PTPRD: variants seen among roughly 807,000 people sequenced by gnomAD.
The protein encoded by PTPRD is receptor-type tyrosine-protein phosphatase delta.
A neutral mutation model predicts 214.5 loss-of-function variants in PTPRD; 34 were observed. The observed-to-expected ratio is 0.16, with a 90% confidence interval of 0.12 to 0.21. PTPRD has a LOEUF of 0.21. PTPRD is among the 10% of genes least tolerant of loss of function. The probability of loss-of-function intolerance (pLI) is 1.00; values close to 1 mark genes in which losing one functional copy is unlikely to be tolerated. For missense variants in PTPRD, 2,545 were observed against 2,398.7 expected, an observed-to-expected ratio of 1.06 and a Z score of -1.27; for synonymous variants, 1,128 against 845.7, an observed-to-expected ratio of 1.33 and a Z score of -5.79.
Position 8,805,446 on chromosome 9 carries a change from G to A in PTPRD, c.-103-71500C>T, listed in dbSNP as rs146294272. Among the ~76,000 whole-genome samples the A allele has an allele frequency of 6.1e-3, 929 of 151,548 alleles. 8 individuals are homozygous for A. The highest frequency in any genetic ancestry group is 0.021 in the African/African-American group (854 of 41,336). On this transcript the variant is annotated intron_variant, in intron 11 of 45. Transcript: ENST00000381196. The stretch of plus-strand genomic sequence containing the variant: ...TGCACATCATCTTTATACAATAATC[G>A]TAGTAAGAAAGCCAGTGGCTTGCCA...
chr9:9,034,549 C>CT (rs34149040), intron 10 of PTPRD, among the ~76,000 whole-genome samples: 3 of 152,068 alleles, frequency 2.0e-5, no homozygotes, highest in African/African-American at 7.2e-5. Context: ...TTGAGGTAGT[C>CT]TTTTTTTACT....
rs1210836203 is a variant in PTPRD, at chr9:9,137,481, C to T, written c.-143+45823G>A. 2.6e-5 allele frequency among the ~76,000 whole-genome samples: 4 copies of T among 152,026 alleles called. No homozygotes were observed. In the East Asian group the frequency reaches 7.7e-4, roughly 29 times the overall value. ...TTTTTCTGTCTGAATATATAGGAGA[C>T]TGAATGAAGAGATATATAACCCCCC... is the stretch of plus-strand genomic sequence containing the variant. On this transcript the variant is annotated intron_variant, in intron 10 of 45. Coordinates refer to ENST00000381196, the MANE Select transcript of PTPRD (RefSeq NM_002839.4).
chr9:9,293,819 G>A (rs975419554), intron 9 of PTPRD, among the ~76,000 whole-genome samples: 1 of 151,532 alleles, frequency 6.6e-6, no homozygotes, highest in African/African-American at 2.4e-5. Context: ...TTTGCAGTTT[G>A]AGGTACAACA....
intron 9 of PTPRD, among the ~76,000 whole-genome samples, chr9:9,383,951 C>G (rs1355957972): frequency 2.0e-5 from 3 of 151,906 alleles, no homozygotes; most frequent in Non-Finnish European, 4.4e-5. Context: ...TGATATCTAA[C>G]CCTGCTCAGT....
At chr9:10,237,840 A>AT (rs2099634068) in intron 3 of PTPRD, among the ~76,000 whole-genome samples, 1 of 151,998 alleles carries the variant, frequency 6.6e-6, no homozygotes. Context: ...AGATTTCATC[A>AT]TGCAAATTAG....
At chr9:9,061,235 T>A (rs2099706777) in intron 10 of PTPRD, among the ~76,000 whole-genome samples, 1 of 152,214 alleles carries the variant, frequency 6.6e-6, no homozygotes, top group African/African-American at 2.4e-5. Flanking sequence ...TTTCTATGCG[T>A]TATACTGCAA....
chr9:8,329,315 C>G (rs530922505), intron 44 of PTPRD, among the ~76,000 whole-genome samples: 5 of 152,082 alleles, frequency 3.3e-5, no homozygotes, highest in African/African-American at 1.2e-4. Flanking sequence ...CTATTCCAGA[C>G]GCTGTTTGCC....
At chr9:8,822,759 C>A (rs1013765242) in intron 11 of PTPRD, among the ~76,000 whole-genome samples, 3 of 152,066 alleles carry the variant, frequency 2.0e-5, no homozygotes, top group Non-Finnish European at 2.9e-5. Flanking sequence ...CCCAAGGTCC[C>A]GCAGCTGACA....
At chr9:9,478,350 T>G (rs182117356) in intron 8 of PTPRD, among the ~76,000 whole-genome samples, 1 of 152,340 alleles carries the variant, frequency 6.6e-6, no homozygotes, top group Non-Finnish European at 1.5e-5. Flanking sequence ...TCTTGGATTC[T>G]GACATTCTGA....
intron 8 of PTPRD, among the ~76,000 whole-genome samples, chr9:9,571,361 C>G (rs778817704): frequency 5.9e-5 from 9 of 151,274 alleles, no homozygotes; most frequent in Non-Finnish European, 1.2e-4. Flanking sequence ...TAAATAAAAT[C>G]TTAATGAAGC....
At chr9:8,963,137 G>A (rs532901989) in intron 11 of PTPRD, 28 of 152,140 alleles carry the variant, frequency 1.8e-4, no homozygotes, top group African/African-American at 6.0e-4. Context: ...GCTAGACATA[G>A]GAAATGCATA....
At chr9:9,569,669 T>C (rs915343863) in intron 8 of PTPRD, among the ~76,000 whole-genome samples, 3 of 151,670 alleles carry the variant, frequency 2.0e-5, no homozygotes, top group Non-Finnish European at 4.4e-5. Flanking sequence ...CACATTTTTA[T>C]AGAGGTTGAT....
At chr9:10,281,926 C>T (rs2095134113) in intron 3 of PTPRD, among the ~76,000 whole-genome samples, 1 of 151,604 alleles carries the variant, frequency 6.6e-6, no homozygotes, top group Admixed American at 6.6e-5. Flanking sequence ...TCTGAAATTC[C>T]TGAGCTTATC....
At chr9:9,578,391 T>C (rs530571624) in intron 7 of PTPRD, among the ~76,000 whole-genome samples, 1 of 152,220 alleles carries the variant, frequency 6.6e-6, no homozygotes, top group South Asian at 2.1e-4. Flanking sequence ...TTCATGAAAT[T>C]GGCATCTTAG....
chr9:8,355,577 G>A (rs2076773817), intron 39 of PTPRD, among the ~76,000 whole-genome samples: 1 of 152,148 alleles, frequency 6.6e-6, no homozygotes, highest in Non-Finnish European at 1.5e-5. Flanking sequence ...ACTAGAAGAT[G>A]GGAAACAGTT....
chr9:10,544,047 A>G (rs1026530445), intron 2 of PTPRD, among the ~76,000 whole-genome samples: 10 of 152,168 alleles, frequency 6.6e-5, no homozygotes, highest in Non-Finnish European at 1.3e-4. Flanking sequence ...AAGGTACTAT[A>G]TCATCATAGT....
At chr9:10,511,496 T>G (rs980407009) in intron 2 of PTPRD, among the ~76,000 whole-genome samples, 5 of 151,844 alleles carry the variant, frequency 3.3e-5, no homozygotes, top group Admixed American at 6.6e-5. Context: ...TTCTGCCTCC[T>G]GGGTTCATGC....
intron 11 of PTPRD, among the ~76,000 whole-genome samples, chr9:8,828,920 G>A (rs548137122): frequency 1.3e-5 from 2 of 152,216 alleles, no homozygotes; most frequent in East Asian, 1.9e-4. Context: ...CACAGCATAT[G>A]TGGACAACAG....
At chr9:9,946,705 C>T (rs1197585465) in intron 4 of PTPRD, among the ~76,000 whole-genome samples, 1 of 152,074 alleles carries the variant, frequency 6.6e-6, no homozygotes, top group Non-Finnish European at 1.5e-5. Flanking sequence ...GGAACTATCT[C>T]GCACAATACA....
Sources: allele counts gnomAD v4.1 joint callset (sites outside exome capture counted in the v4.1 genomes callset), GRCh38; gene constraint gnomAD v4.1.1; transcripts MANE v1.5; gene names NCBI Gene and HGNC (gene_info 2026-07-23, HGNC 2026-07-21).